DAB1: variants seen among roughly 807,000 people sequenced by gnomAD.
DAB1 encodes the protein disabled homolog 1.
A neutral mutation model predicts 64.6 loss-of-function variants in DAB1; 15 were observed. That is an observed-to-expected ratio of 0.23 (90% CI 0.16 to 0.36). The LOEUF (loss-of-function observed/expected upper bound fraction) is 0.36. Ranked by LOEUF, DAB1 falls within the 10% of genes least tolerant of loss-of-function variation. DAB1 has a pLI of 1.00. For missense variants in DAB1, 596 were observed against 706.7 expected (o/e 0.84, Z 1.78); for synonymous variants, 235 against 251.9 (o/e 0.93, Z 0.64).
At chr1:58,127,373 G>A (rs1040045118) in intron 5 of DAB1, among the ~76,000 whole-genome samples, 9 of 152,032 alleles carry the variant, frequency 5.9e-5, no homozygotes, top group Non-Finnish European at 8.8e-5. Context: ...TTTGTCAGAT[G>A]AGTAGGTTGC....
chr1:57,226,672 A>AAAAAT (rs747021990), intron 2 of DAB1, among the ~76,000 whole-genome samples: 281 of 135,984 alleles, frequency 2.1e-3, no homozygotes, highest in African/African-American at 5.7e-3. Flanking sequence ...TTAAAAAAAA[A>AAAAAT]ATATATATAT....
intron 4 of DAB1, among the ~76,000 whole-genome samples, chr1:58,316,710 G>A (rs1662566105): frequency 6.6e-6 from 1 of 152,190 alleles, no homozygotes; most frequent in East Asian, 1.9e-4. Context: ...CTGGACCACA[G>A]CAGCACCCAG....
chr1:58,541,893 A>G (rs900545572), intron 1 of DAB1, among the ~76,000 whole-genome samples: 1 of 152,200 alleles, frequency 6.6e-6, no homozygotes, highest in Non-Finnish European at 1.5e-5. Flanking sequence ...TCTCAGTGAT[A>G]GTTACATATG....
chr1:57,792,695 C>A (rs1650660526), intron 6 of DAB1, among the ~76,000 whole-genome samples: 1 of 152,198 alleles, frequency 6.6e-6, no homozygotes, highest in African/African-American at 2.4e-5. Context: ...CTCACTGTAA[C>A]TCCTCTCGTA....
chr1:58,428,146 G>A (rs1644838411), intron 3 of DAB1, among the ~76,000 whole-genome samples: 1 of 152,206 alleles, frequency 6.6e-6, no homozygotes, highest in African/African-American at 2.4e-5. Flanking sequence ...AAGAATAATA[G>A]AGTTAGATGA....
intron 10 of DAB1, among the ~76,000 whole-genome samples, chr1:57,024,968 C>T (rs946436875): frequency 1.3e-5 from 2 of 152,208 alleles, no homozygotes; most frequent in African/African-American, 4.8e-5. Flanking sequence ...TCCCTGGTGG[C>T]AGCAGTGGGC....
At chr1:57,317,515 G>A (rs1473113991) in intron 1 of DAB1, among the ~76,000 whole-genome samples, 1 of 152,132 alleles carries the variant, frequency 6.6e-6, no homozygotes, top group African/African-American at 2.4e-5. Context: ...CTATGGGCCT[G>A]TCCTAATTAT....
intron 5 of DAB1, among the ~76,000 whole-genome samples, chr1:58,041,713 C>G (rs1159443932): frequency 6.6e-6 from 1 of 152,204 alleles, no homozygotes; most frequent in Non-Finnish European, 1.5e-5. Flanking sequence ...TTGGGCTTGG[C>G]AGCTCAAATT....
intron 5 of DAB1, among the ~76,000 whole-genome samples, chr1:57,891,899 C>G (rs562246648): frequency 2.0e-5 from 3 of 152,080 alleles, no homozygotes; most frequent in African/African-American, 4.8e-5. Context: ...ATGTAGACGA[C>G]GGGTTGATGG....
chr1:57,615,154 G>A (rs1645777531), intron 7 of DAB1, among the ~76,000 whole-genome samples: 1 of 152,124 alleles, frequency 6.6e-6, no homozygotes, highest in Non-Finnish European at 1.5e-5. Context: ...ACAGGCATGA[G>A]CCACTGCGCC....
intron 3 of DAB1, 122 bp from the exon 4 acceptor site, chr1:57,136,763 G>A (rs895255358): frequency 8.6e-5 from 41 of 477,438 alleles, no homozygotes; most frequent in Non-Finnish European, 1.2e-4. Context: ...CTTTCCCTTC[G>A]CACTTCCATA....
At chr1:57,144,376 ATAAT>A (rs1658903481) in intron 3 of DAB1, among the ~76,000 whole-genome samples, 1 of 152,138 alleles carries the variant, frequency 6.6e-6, no homozygotes, top group Non-Finnish European at 1.5e-5. Context: ...GTTTAATAAA[ATAAT>A]TTATTTTGTA....
At position 57,548,491 on chromosome 1, in the gene DAB1, C is replaced by G. The variant is rs373605631; in HGVS notation, n.625+101101G>C. Among the ~76,000 whole-genome samples, 211 of 152,304 alleles carry G rather than the reference C, an allele frequency of 1.4e-3. 1 individual carries two copies. Among genetic ancestry groups the G allele is most frequent in the African/African-American group, 4.7e-3 (195 of 41,548 alleles). ...AAAATCTGTTCAACAAAGATCTACA[C>G]TTTTAGCTATGAAATCTAACACCTT... On this transcript the variant is annotated intron_variant and non_coding_transcript_variant, in intron 7 of 20. Coordinates refer to the DAB1 transcript ENST00000485760.
chr1:58,396,185 A>G (rs910647087), intron 3 of DAB1, among the ~76,000 whole-genome samples: 4 of 151,940 alleles, frequency 2.6e-5, no homozygotes, highest in Non-Finnish European at 4.4e-5. Flanking sequence ...CTGGGCTCAC[A>G]CTTCAAGTCC....
chr1:58,169,999 T>C (rs978250966), intron 4 of DAB1, among the ~76,000 whole-genome samples: 1 of 152,202 alleles, frequency 6.6e-6, no homozygotes, highest in Non-Finnish European at 1.5e-5. Context: ...CCATCTCACT[T>C]GGAGAGATGT....
upstream of DAB1, among the ~76,000 whole-genome samples, chr1:57,888,158 G>A (rs545310854): frequency 6.6e-6 from 1 of 152,226 alleles, no homozygotes; most frequent in South Asian, 2.1e-4. Flanking sequence ...TTCTTTGAGG[G>A]GGGATGGGCA....
chr1:58,174,691 C>A (rs184250069), intron 4 of DAB1, among the ~76,000 whole-genome samples: 2 of 152,178 alleles, frequency 1.3e-5, no homozygotes, highest in Non-Finnish European at 2.9e-5. Context: ...CACCAATCAG[C>A]GCTCTGTGTC....
At chr1:57,020,793 A>C (rs552906464) in intron 11 of DAB1, among the ~76,000 whole-genome samples, 1 of 152,344 alleles carries the variant, frequency 6.6e-6, no homozygotes, top group Non-Finnish European at 1.5e-5. Context: ...ATTGTTGCAA[A>C]GTAAGTATTA....
intron 4 of DAB1, among the ~76,000 whole-genome samples, chr1:58,268,844 C>A (rs1661238234): frequency 6.6e-6 from 1 of 152,132 alleles, no homozygotes; most frequent in African/African-American, 2.4e-5. Flanking sequence ...AGGTTTCATA[C>A]TTCTTGATTT....
Sources: gnomAD v4.1 joint callset for allele counts (sites outside exome capture counted in the v4.1 genomes callset) on GRCh38, gnomAD v4.1.1 for gene constraint, MANE v1.5 for transcripts, NCBI Gene and HGNC (gene_info 2026-07-23, HGNC 2026-07-21) for gene names.